Variants in GSE1 observed in about 807,000 individuals in gnomAD.
The protein encoded by GSE1 is Gse1 coiled-coil protein.
Under a neutral mutation model 112.6 loss-of-function variants are expected in GSE1, and 32 were observed. The observed-to-expected ratio is 0.28, with a 90% CI of 0.21 to 0.38. The LOEUF (loss-of-function observed/expected upper bound fraction) is 0.38. GSE1 is among the 10% of genes least tolerant of loss of function. GSE1 has a pLI of 1.00. For missense variants in GSE1, 2,348 were observed against 1,699.2 expected, an observed-to-expected ratio of 1.38 and a Z score of -6.71; for synonymous variants, 1,115 against 735.6, an observed-to-expected ratio of 1.52 and a Z score of -8.35.
intron 1 of GSE1, among the ~76,000 whole-genome samples, chr16:85,249,624 G>A (rs1906235402): frequency 6.6e-6 from 1 of 152,194 alleles, no homozygotes; most frequent in African/African-American, 2.4e-5. Flanking sequence ...CTGGGTTCCC[G>A]CCAGGACACT....
chr16:85,490,986 C>T (rs1384525510), intron 2 of GSE1, among the ~76,000 whole-genome samples: 1 of 152,088 alleles, frequency 6.6e-6, no homozygotes, highest in Non-Finnish European at 1.5e-5. Flanking sequence ...CTCCCCAACG[C>T]GGGGCTGGAC....
intron 7 of GSE1, 98 bp from the exon 8 acceptor site, chr16:85,657,179 G>A: frequency 1.2e-6 from 1 of 822,262 alleles, no homozygotes. Context: ...CCTTTGGAAG[G>A]GCTCTGGTTT....
chr16:85,529,166 G>T (rs1330098316), intron 2 of GSE1, among the ~76,000 whole-genome samples: 1 of 152,120 alleles, frequency 6.6e-6, no homozygotes, highest in African/African-American at 2.4e-5. Flanking sequence ...TGTGCAGGTG[G>T]TTAATCGTGT....
chr16:85,542,688 G>A (rs141617491), intron 2 of GSE1, among the ~76,000 whole-genome samples: 7 of 152,366 alleles, frequency 4.6e-5, no homozygotes, highest in Non-Finnish European at 7.3e-5. Flanking sequence ...AGCGTTTGCT[G>A]TATGAGACTG....
chr16:85,394,726 C>T (rs564283105), intron 2 of GSE1, among the ~76,000 whole-genome samples: 135 of 151,972 alleles, frequency 8.9e-4, no homozygotes, highest in African/African-American at 3.0e-3. Flanking sequence ...AAGCCCCGTC[C>T]GTCTCCCCCG....
chr16:85,251,074 T>G (rs1567639399), intron 1 of GSE1, among the ~76,000 whole-genome samples: 1 of 152,250 alleles, frequency 6.6e-6, no homozygotes, highest in Non-Finnish European at 1.5e-5. Context: ...GGATGGATGT[T>G]TGGGCTGCTC....
intron 14 of GSE1, among the ~76,000 whole-genome samples, chr16:85,670,031 A>T (rs1021862878): frequency 4.6e-5 from 7 of 152,230 alleles, no homozygotes; most frequent in Non-Finnish European, 8.8e-5. Flanking sequence ...TTAGATTTTC[A>T]GTTGCATTGA....
chr16:85,580,509 A>G (rs2046404445), intron 1 of GSE1, among the ~76,000 whole-genome samples: 2 of 152,158 alleles, frequency 1.3e-5, no homozygotes, highest in Admixed American at 1.3e-4. Flanking sequence ...TCAGCCAGAG[A>G]GACTGGGTTT....
intron 1 of GSE1, among the ~76,000 whole-genome samples, chr16:85,236,897 C>T (rs984496528): frequency 2.6e-4 from 39 of 152,340 alleles, no homozygotes; most frequent in Non-Finnish European, 4.7e-4. Context: ...TCACAACTTC[C>T]AGCCACCTGC....
At chr16:85,303,774 C>T (rs1324453237) in intron 1 of GSE1, among the ~76,000 whole-genome samples, 1 of 152,222 alleles carries the variant, frequency 6.6e-6, no homozygotes, top group East Asian at 1.9e-4. Context: ...CCTGGCCCTG[C>T]CTCAGTTTCC....
At chr16:85,195,064 C>T (rs2074901060) in intron 1 of GSE1, among the ~76,000 whole-genome samples, 1 of 152,132 alleles carries the variant, frequency 6.6e-6, no homozygotes, top group South Asian at 2.1e-4. Context: ...GTTCAGACTC[C>T]ACCATCCAAT....
chr16:85,337,547 C>T (rs1183107993), intron 1 of GSE1, among the ~76,000 whole-genome samples: 1 of 152,032 alleles, frequency 6.6e-6, no homozygotes, highest in Non-Finnish European at 1.5e-5. Flanking sequence ...CCTCGTGATC[C>T]GCCCGCCTCG....
At chr16:85,617,017 G>A (rs2048413263) in intron 1 of GSE1, among the ~76,000 whole-genome samples, 1 of 152,040 alleles carries the variant, frequency 6.6e-6, no homozygotes, top group Non-Finnish European at 1.5e-5. Flanking sequence ...CTTCTCTCAC[G>A]CCCTCAGCTC....
In GSE1 at chr16:85,675,335, A is replaced by G. The variant is rs575802510; in HGVS notation, c.*2796A>G. The G allele has an allele frequency of 6.6e-6, 1 of 152,312 alleles. No homozygotes were observed. The highest frequency in any genetic ancestry group is 6.5e-5 in the Admixed American group (1 of 15,300). The allele number at this position is 152,312 out of a possible 1,614,324, so 9.4% of individuals were successfully genotyped here. A position where few individuals can be genotyped will look rare whatever the true frequency, so the allele number is the denominator to read the frequency against. ...CTGCAGAGGGATACCTTCCAATAGT[A>G]AATTATCTGGTTCCTCACTGAAACA... On this transcript the variant is annotated 3_prime_UTR_variant, in exon 16 of 16. Transcript: ENST00000253458.
At chr16:85,257,647 C>CA (rs1267669465) in intron 1 of GSE1, among the ~76,000 whole-genome samples, 1 of 152,254 alleles carries the variant, frequency 6.6e-6, no homozygotes, top group Non-Finnish European at 1.5e-5. Context: ...CCCGTTTCTA[C>CA]AAAAAACTTA....
chr16:85,351,405 G>A (rs2046847714), intron 1 of GSE1, among the ~76,000 whole-genome samples: 1 of 152,200 alleles, frequency 6.6e-6, no homozygotes, highest in African/African-American at 2.4e-5. Context: ...AGCACAAAAG[G>A]CCACATATTG....
At chr16:85,378,311 A>G (rs1007870328) in intron 2 of GSE1, among the ~76,000 whole-genome samples, 22 of 152,090 alleles carry the variant, frequency 1.4e-4, no homozygotes, top group African/African-American at 5.3e-4. Flanking sequence ...CTGCCTGCCC[A>G]TCCACTCCAG....
At chr16:85,653,941 G>A (rs1364605286) in intron 3 of GSE1, among the ~76,000 whole-genome samples, 2 of 152,098 alleles carry the variant, frequency 1.3e-5, no homozygotes, top group Non-Finnish European at 2.9e-5. Flanking sequence ...CACCAGGAGG[G>A]GTGGAGGCAG....
At chr16:85,425,422 G>C (rs1291235612) in intron 2 of GSE1, among the ~76,000 whole-genome samples, 1 of 152,190 alleles carries the variant, frequency 6.6e-6, no homozygotes, top group African/African-American at 2.4e-5. Flanking sequence ...TTGGAGGCAG[G>C]TGTGCTGCCG....
Sources: gnomAD v4.1 joint callset for allele counts (sites outside exome capture counted in the v4.1 genomes callset) on GRCh38, gnomAD v4.1.1 for gene constraint, MANE v1.5 for transcripts, NCBI Gene and HGNC (gene_info 2026-07-23, HGNC 2026-07-21) for gene names.